Variants in NPSR1 observed in about 807,000 individuals in gnomAD.
The protein encoded by NPSR1 is neuropeptide S receptor.
NPSR1 carries 48 observed loss-of-function variants against 46.9 expected under a neutral mutation model. The ratio of observed to expected loss-of-function variants is 1.02; its 90% CI spans 0.81 to 1.30. NPSR1 has a LOEUF of 1.30. Ranked by LOEUF, NPSR1 falls within the 50% of genes most tolerant of loss-of-function variation. The probability of loss-of-function intolerance (pLI) is 0.00; values close to 1 mark genes in which losing one functional copy is unlikely to be tolerated. For synonymous variants in NPSR1, 176 were observed against 168.1 expected, an observed-to-expected ratio of 1.05 and a Z score of -0.36; for missense variants, 450 against 449.5, an observed-to-expected ratio of 1.00 and a Z score of -0.01.
intron 3 of NPSR1, among the ~76,000 whole-genome samples, chr7:34,798,924 T>C (rs1788329282): frequency 6.6e-6 from 1 of 152,210 alleles, no homozygotes; most frequent in South Asian, 2.1e-4. Flanking sequence ...AATGAAAATG[T>C]AACATCATAG....
In NPSR1 at chr7:34,684,796, G is replaced by T. The variant is rs968237937; in HGVS notation, c.280+112G>T. ...AAAATGTAACGCATCGGTCAATTTG[G>T]GAATAATTTCTGAAAGAATATAAAA... On this transcript the variant is annotated intron_variant, in intron 2 of 8. Coordinates refer to ENST00000360581, the MANE Select transcript of NPSR1 (RefSeq NM_207172.2). 4 of 878,686 alleles carry T rather than the reference G, an allele frequency of 4.6e-6. No individual in the cohort carries two copies. The African/African-American group carries it at 5.2e-5, about 11-fold the overall frequency. The allele number at this position is 878,686 out of a possible 1,614,324, so 54.4% of individuals were successfully genotyped here. A position where few individuals can be genotyped will look rare whatever the true frequency, so the allele number is the denominator to read the frequency against.
At chr7:34,803,040 T>C (rs548055182) in intron 3 of NPSR1, among the ~76,000 whole-genome samples, 1 of 149,920 alleles carries the variant, frequency 6.7e-6, no homozygotes, top group South Asian at 2.1e-4. Flanking sequence ...CCAGTTAGAA[T>C]GGCAATCATT....
chr7:34,751,257 T>C, intron 2 of NPSR1: 1 of 991,784 alleles, frequency 1.0e-6, no homozygotes, highest in Non-Finnish European at 1.6e-6. Context: ...CAATGGGAAG[T>C]GGAGACTTTT....
chr7:34,789,152 G>T (rs972199992), intron 3 of NPSR1, among the ~76,000 whole-genome samples: 2 of 151,826 alleles, frequency 1.3e-5, no homozygotes, highest in African/African-American at 4.8e-5. Context: ...ACAAAAGCAG[G>T]TCTAAGAGGG....
At chr7:34,818,130 C>T (rs1291480526) in intron 4 of NPSR1, among the ~76,000 whole-genome samples, 1 of 149,502 alleles carries the variant, frequency 6.7e-6, no homozygotes, top group Non-Finnish European at 1.5e-5. Context: ...GTCAAATTGT[C>T]CCTATTTGTA....
chr7:34,695,198 C>T (rs181860906), intron 2 of NPSR1, among the ~76,000 whole-genome samples: 25 of 152,102 alleles, frequency 1.6e-4, no homozygotes, highest in African/African-American at 5.8e-4. Context: ...ACAAAGCTGA[C>T]AAAAATAAAC....
chr7:34,821,801 C>G (rs1789571832), intron 4 of NPSR1, among the ~76,000 whole-genome samples: 1 of 152,150 alleles, frequency 6.6e-6, no homozygotes, highest in Non-Finnish European at 1.5e-5. Context: ...TGTAAAACAA[C>G]TTATTCCCTC....
chr7:34,815,913 G>A (rs1456639246), intron 4 of NPSR1, among the ~76,000 whole-genome samples: 1 of 152,122 alleles, frequency 6.6e-6, no homozygotes, highest in African/African-American at 2.4e-5. Flanking sequence ...GCTCCTGAAG[G>A]AAGCACTAAA....
intron 5 of NPSR1, among the ~76,000 whole-genome samples, chr7:34,828,024 A>G (rs926987677): frequency 3.2e-4 from 49 of 152,200 alleles, no homozygotes; most frequent in African/African-American, 1.1e-3. Flanking sequence ...CAGCCTTCCA[A>G]ATATAAGGCA....
intron 3 of NPSR1, among the ~76,000 whole-genome samples, chr7:34,783,738 A>C (rs1787336333): frequency 6.6e-6 from 1 of 152,122 alleles, no homozygotes; most frequent in Admixed American, 6.6e-5. Flanking sequence ...AAAATCAAAA[A>C]CAGAGAAAAT....
Position 34,750,733 on chromosome 7 carries a change from G to C in NPSR1, c.281-27729G>C, listed in dbSNP as rs942323522. ...AACAGTCAAAATTGCCAAGCATCTT[G>C]CAAGGGCCTTGCTCTGTGAGGGGCA... On this transcript the variant is annotated intron_variant, in intron 2 of 8. Coordinates refer to ENST00000360581, the MANE Select transcript of NPSR1 (RefSeq NM_207172.2). 4 of 697,670 alleles carry C rather than the reference G, an allele frequency of 5.7e-6. No homozygotes were observed. The African/African-American group carries it at 7.0e-5, about 12-fold the overall frequency. The allele number at this position is 697,670 out of a possible 1,614,324, so 43.2% of individuals were successfully genotyped here.
At chr7:34,691,721 G>C (rs1205169460) in intron 2 of NPSR1, among the ~76,000 whole-genome samples, 1 of 151,946 alleles carries the variant, frequency 6.6e-6, no homozygotes, top group Non-Finnish European at 1.5e-5. Context: ...CAAAAATTAC[G>C]ACTACATATA....
intron 2 of NPSR1, among the ~76,000 whole-genome samples, chr7:34,739,558 T>C (rs1784839108): frequency 6.6e-6 from 1 of 152,248 alleles, no homozygotes; most frequent in African/African-American, 2.4e-5. Context: ...GTCACTTAAG[T>C]CCTTTGTTCC....
chr7:34,877,253 C>A (rs1791597493), intron 8 of NPSR1, among the ~76,000 whole-genome samples: 1 of 151,982 alleles, frequency 6.6e-6, no homozygotes, highest in Admixed American at 6.6e-5. Context: ...GACTTGGATG[C>A]ATGGGGGTGT....
rs1790267809 is a variant in NPSR1, at chr7:34,834,350, G to C, written c.681-34G>C. The stretch of plus-strand genomic sequence containing the variant: ...GTGTCCTCACAGTAGGGATCCACCA[G>C]TCACTTTAATACTACCTTTGGTTCT... On this transcript the variant is annotated intron_variant, in intron 5 of 8. Transcript: ENST00000360581. The C allele has an allele frequency of 3.2e-6, 5 of 1,547,380 alleles. 1 individual carries two copies. In the South Asian group the frequency reaches 5.6e-5, roughly 17 times the overall value.
intron 2 of NPSR1, among the ~76,000 whole-genome samples, chr7:34,777,641 G>A (rs552312407): frequency 6.6e-6 from 1 of 152,222 alleles, no homozygotes; most frequent in East Asian, 1.9e-4. Context: ...GAGGAAGAGG[G>A]AACGATCAGT....
chr7:34,727,688 G>A (rs181524639), intron 2 of NPSR1, among the ~76,000 whole-genome samples: 22 of 152,332 alleles, frequency 1.4e-4, no homozygotes, highest in Admixed American at 1.4e-3. Context: ...TAAAGAGCAT[G>A]TGGTTCTTCT....
chr7:34,828,837 G>C (rs1789984110), intron 5 of NPSR1, among the ~76,000 whole-genome samples: 1 of 152,266 alleles, frequency 6.6e-6, no homozygotes, highest in Admixed American at 6.5e-5. Context: ...GAGAAAAGCT[G>C]TATTGCTTCT....
chr7:34,755,320 G>T (rs1785772685), intron 2 of NPSR1, among the ~76,000 whole-genome samples: 1 of 152,238 alleles, frequency 6.6e-6, no homozygotes, highest in Non-Finnish European at 1.5e-5. Flanking sequence ...GTCAGTCAGG[G>T]TGGGAGGGAG....
Sources: gnomAD v4.1 joint callset for allele counts (sites outside exome capture counted in the v4.1 genomes callset) on GRCh38, gnomAD v4.1.1 for gene constraint, MANE v1.5 for transcripts, NCBI Gene and HGNC (gene_info 2026-07-23, HGNC 2026-07-21) for gene names.